The following PSD3 variants were observed in gnomAD, a reference collection of about 807,000 sequenced individuals.
PSD3 encodes pleckstrin and Sec7 domain containing 3.
PSD3 carries 49 observed loss-of-function variants against 105.5 expected under a neutral mutation model. That is an observed-to-expected ratio of 0.46 (90% CI 0.37 to 0.59). The LOEUF (loss-of-function observed/expected upper bound fraction) is 0.59, where lower values mean the gene tolerates loss of function less well. PSD3 is among the 20% of genes least tolerant of loss of function. The pLI is 0.00. For missense variants in PSD3, 1,561 were observed against 1,263.8 expected, an observed-to-expected ratio of 1.24 and a Z score of -3.57; for synonymous variants, 557 against 457.8, an observed-to-expected ratio of 1.22 and a Z score of -2.77.
intron 11 of PSD3, 65 bp from the exon 12 acceptor site, chr8:18,600,499 G>C: frequency 7.9e-7 from 1 of 1,268,028 alleles, no homozygotes; most frequent in Admixed American, 2.1e-5. Context: ...GAATCTAAAT[G>C]ATCAACATGG....
upstream of PSD3, among the ~76,000 whole-genome samples, chr8:19,014,757 G>T (rs1219810926): frequency 2.6e-5 from 4 of 152,310 alleles, no homozygotes; most frequent in South Asian, 8.3e-4. This position sits in a 1 kb window ranked among gnomAD's most constrained non-coding sequence, Gnocchi z 4.9. Context: ...GTGGCCCCAC[G>T]ATCTCGCCCA....
At chr8:18,767,724 G>A (rs1377574217) in intron 8 of PSD3, among the ~76,000 whole-genome samples, 1 of 151,974 alleles carries the variant, frequency 6.6e-6, no homozygotes, top group Non-Finnish European at 1.5e-5. Context: ...TCCAGCCTGG[G>A]AAACAAGAGC....
intron 14 of PSD3, among the ~76,000 whole-genome samples, chr8:18,569,415 G>A (rs1459049223): frequency 1.3e-5 from 2 of 149,910 alleles, no homozygotes; most frequent in Non-Finnish European, 3.0e-5. Context: ...GGTGTGAGAT[G>A]GTATCTCAAT....
chr8:18,745,845 C>T (rs1402468245), intron 9 of PSD3, among the ~76,000 whole-genome samples: 2 of 152,174 alleles, frequency 1.3e-5, no homozygotes, highest in East Asian at 3.9e-4. Context: ...AATCCAATAC[C>T]ACAGGGTTCC....
At chr8:18,606,396 A>C (rs913781314) in intron 11 of PSD3, among the ~76,000 whole-genome samples, 2 of 152,182 alleles carry the variant, frequency 1.3e-5, no homozygotes, top group Non-Finnish European at 2.9e-5. Flanking sequence ...CTCATGCTTT[A>C]TTCCTGGCCT....
Position 18,532,434 on chromosome 8 carries a change from T to C in PSD3, c.*3309A>G, listed in dbSNP as rs918602204. 3.3e-5 allele frequency: 5 copies of C among 152,230 alleles called. No homozygotes were observed. Among genetic ancestry groups the C allele is most frequent in the African/African-American group, 1.2e-4 (5 of 41,460 alleles). 9.4% of individuals were successfully genotyped at this position (152,230 alleles called of 1,614,324 possible). On this transcript the variant is annotated 3_prime_UTR_variant, in exon 16 of 16. Coordinates refer to ENST00000327040, the MANE Select transcript of PSD3 (RefSeq NM_015310.4). Reference sequence around the variant, plus strand: ...CTCATTTTCTAGATTAGGATAACAGTTGGAGACGCATAGAGGGTCTTGTGT... The same window carrying C: ...CTCATTTTCTAGATTAGGATAACAGCTGGAGACGCATAGAGGGTCTTGTGT...
intron 2 of PSD3, among the ~76,000 whole-genome samples, chr8:18,928,151 C>T (rs1180452009): frequency 2.0e-5 from 3 of 152,180 alleles, no homozygotes; most frequent in Non-Finnish European, 2.9e-5. Context: ...TTGTAATAAT[C>T]CCCACGTGTC....
chr8:18,876,592 G>A (rs1474380732), intron 2 of PSD3, among the ~76,000 whole-genome samples: 1 of 151,926 alleles, frequency 6.6e-6, no homozygotes, highest in Non-Finnish European at 1.5e-5. Context: ...CAGAGATGGG[G>A]TTCCACCATG....
intron 15 of PSD3, among the ~76,000 whole-genome samples, chr8:18,536,380 G>A (rs143662138): frequency 7.9e-5 from 12 of 152,254 alleles, no homozygotes; most frequent in African/African-American, 1.9e-4. Flanking sequence ...ACAAGAAACT[G>A]GCTTGGATAT....
chr8:18,933,238 T>G (rs1176418766), intron 2 of PSD3, among the ~76,000 whole-genome samples: 1 of 152,322 alleles, frequency 6.6e-6, no homozygotes, highest in African/African-American at 2.4e-5. Flanking sequence ...GCCTCGGCTA[T>G]GATATATCTG....
chr8:19,054,871 T>C (rs767295507), intron 1 of PSD3, among the ~76,000 whole-genome samples: 1 of 152,196 alleles, frequency 6.6e-6, no homozygotes, highest in Non-Finnish European at 1.5e-5. Context: ...TCATATACAT[T>C]ATACACTATA....
At chr8:18,539,643 G>C (rs1336260872) in intron 15 of PSD3, among the ~76,000 whole-genome samples, 2 of 151,306 alleles carry the variant, frequency 1.3e-5, no homozygotes, top group Non-Finnish European at 2.9e-5. Flanking sequence ...TGCCGACTGG[G>C]TTCAAGCAAT....
At chr8:18,617,988 A>G (rs1805821999) in intron 11 of PSD3, among the ~76,000 whole-genome samples, 1 of 152,158 alleles carries the variant, frequency 6.6e-6, no homozygotes, top group South Asian at 2.1e-4. Flanking sequence ...TCTTTTCTGG[A>G]GAGTCTAGTA....
chr8:19,011,352 C>T (rs1464338924), intron 1 of PSD3, among the ~76,000 whole-genome samples: 1 of 152,138 alleles, frequency 6.6e-6, no homozygotes, highest in African/African-American at 2.4e-5. Flanking sequence ...AAAAAATCAC[C>T]TCCAAAAGTA....
intron 14 of PSD3, among the ~76,000 whole-genome samples, chr8:18,560,175 T>C (rs1801308752): frequency 7.0e-6 from 1 of 143,342 alleles, no homozygotes; most frequent in Admixed American, 7.0e-5. Context: ...ATACACATTT[T>C]ACACACACAC....
rs546698261 is a variant in PSD3, at chr8:18,640,386, T to C, written c.2217-7580A>G. Among the ~76,000 whole-genome samples the C allele has an allele frequency of 9.9e-5, 15 of 152,270 alleles. No homozygotes were observed. In the South Asian group the frequency reaches 3.1e-3, roughly 32 times the overall value. On this transcript the variant is annotated intron_variant, in intron 10 of 15. Coordinates refer to ENST00000327040, the MANE Select transcript of PSD3 (RefSeq NM_015310.4). ...GCTGTGTCCCCACCCAAATTTCATC[T>C]TGAATTGTAGTTCCTGTAATCCCCA...
In PSD3 at chr8:19,000,415, G is replaced by GA. The variant is rs1273310659; in HGVS notation, c.21+13147dup. Among the ~76,000 whole-genome samples the GA allele has an allele frequency of 1.6e-4, 24 of 146,364 alleles. 1 individual carries two copies. Among genetic ancestry groups the GA allele is most frequent in the Admixed American group, 3.4e-4 (5 of 14,724 alleles). Reference sequence around the variant, plus strand: ...CTGTCTGAAAAAAAAAAAAGAGAGAGAAAAAAAACCTGATACAATCAAAAG... The same window carrying GA: ...CTGTCTGAAAAAAAAAAAAGAGAGAGAAAAAAAAACCTGATACAATCAAAAG... On this transcript the variant is annotated intron_variant, in intron 1 of 15. Transcript: ENST00000327040.
intron 4 of PSD3, among the ~76,000 whole-genome samples, chr8:18,866,951 T>C (rs1256775326): frequency 6.6e-6 from 1 of 151,870 alleles, no homozygotes; most frequent in Non-Finnish European, 1.5e-5. Context: ...TTGTCACAGG[T>C]AGATAACCTG....
chr8:18,720,728 C>T (rs1004138948), intron 9 of PSD3, among the ~76,000 whole-genome samples: 1 of 152,140 alleles, frequency 6.6e-6, no homozygotes, highest in Admixed American at 6.5e-5. Flanking sequence ...GCATACAATA[C>T]CAGTCACAGG....
Sources: allele counts gnomAD v4.1 joint callset (sites outside exome capture counted in the v4.1 genomes callset), GRCh38; gene constraint gnomAD v4.1.1; non-coding constraint Gnocchi (gnomAD v3.1); transcripts MANE v1.5; gene names NCBI Gene and HGNC (gene_info 2026-07-23, HGNC 2026-07-21).